LAMA3: variants seen among roughly 807,000 people sequenced by gnomAD.
LAMA3 encodes the protein laminin subunit alpha 3, also known as laminin subunit alpha-3.
In LAMA3, 281 loss-of-function variants were observed where a neutral mutation model predicts 402.0. The observed-to-expected ratio is 0.70, with a 90% confidence interval of 0.63 to 0.77. LAMA3 has a LOEUF of 0.77. Among genes scored for constraint, LAMA3 ranks in the 30% least tolerant of loss-of-function variants. The probability of loss-of-function intolerance (pLI) is 0.00; values close to 1 mark genes in which losing one functional copy is unlikely to be tolerated. For missense variants in LAMA3, 3,840 were observed against 4,215.5 expected (o/e 0.91, Z 2.47); for synonymous variants, 1,431 against 1,558.4 (o/e 0.92, Z 1.93).
intron 24 of LAMA3, among the ~76,000 whole-genome samples, chr18:23,835,699 T>A (rs1303545374): frequency 1.3e-5 from 2 of 152,104 alleles, no homozygotes; most frequent in African/African-American, 4.8e-5. Flanking sequence ...TGAGTGAAAA[T>A]CAACAGGCTA....
At chr18:23,740,885 G>T (rs1275931732) in intron 2 of LAMA3, among the ~76,000 whole-genome samples, 1 of 152,040 alleles carries the variant, frequency 6.6e-6, no homozygotes, top group East Asian at 1.9e-4. Context: ...CCTCCTCTGG[G>T]TGAGCAGGTA....
intron 4 of LAMA3, among the ~76,000 whole-genome samples, chr18:23,750,425 TTACACA>T (rs1383279062): frequency 8.0e-6 from 1 of 125,188 alleles, no homozygotes; most frequent in Non-Finnish European, 1.6e-5. Context: ...AATGGAGGGT[TTACACA>T]GTTTTTTTTT....
In LAMA3 at chr18:23,815,552, A is replaced by G. The variant is rs758997760; in HGVS notation, c.2026A>G (p.Ser676Gly). The G allele has an allele frequency of 4.3e-6, 7 of 1,613,880 alleles. No homozygotes were observed. The South Asian group carries it at 6.6e-5, about 15-fold the overall frequency. Residue 676 changes from serine (S) to glycine (G), a missense_variant, in exon 17 of 75, where the codon AGC becomes GGC. Transcript: ENST00000313654. ...AGATGGATATTTTGCTTTGGAAAAG[A>G]GCAATTACTTTGGGTGTCAAGGTAA... ...CEDGYFALEKSNYFGCQGCQC... is the reference protein window; with the variant it reads ...CEDGYFALEKGNYFGCQGCQC...
At chr18:23,782,396 A>G (rs548556536) in intron 11 of LAMA3, among the ~76,000 whole-genome samples, 2 of 152,140 alleles carry the variant, frequency 1.3e-5, no homozygotes, top group East Asian at 3.9e-4. Flanking sequence ...TCTCTACTAA[A>G]AATACAAAAA....
At chr18:23,724,126 C>G (rs1289169196) in intron 2 of LAMA3, among the ~76,000 whole-genome samples, 1 of 152,094 alleles carries the variant, frequency 6.6e-6, no homozygotes, top group Non-Finnish European at 1.5e-5. Context: ...CGAGAACATA[C>G]GATATTTGGT....
intron 2 of LAMA3, among the ~76,000 whole-genome samples, chr18:23,746,431 C>G (rs191747327): frequency 4.6e-5 from 7 of 152,204 alleles, no homozygotes; most frequent in Admixed American, 2.0e-4. Flanking sequence ...CATTACAGAT[C>G]TATGTGAGGC....
chr18:23,909,200 A>T lies in LAMA3; in HGVS notation c.7063A>T (p.Ser2355Cys), dbSNP rs1285011872. Residue 2355 changes from serine to cysteine, a missense_variant, in exon 55 of 75, where the codon AGT (serine) becomes TGT (cysteine). Coordinates refer to ENST00000313654, the MANE Select transcript of LAMA3 (RefSeq NM_198129.4). ...KLPDLWRKIE[S>C]INQQLLPLGN... ...ACCTGATCTTTGGCGCAAGATTGAA[A>T]GTATCAACCAACAGCTGTTGCCCTT... 1.9e-6 allele frequency: 3 copies of T among 1,614,102 alleles called. No homozygotes were observed. In the South Asian group the frequency reaches 3.3e-5, roughly 18 times the overall value.
chr18:23,903,473 A>T (rs2081139688), intron 49 of LAMA3, among the ~76,000 whole-genome samples: 1 of 152,226 alleles, frequency 6.6e-6, no homozygotes, highest in African/African-American at 2.4e-5. Flanking sequence ...TAGCAGTTCA[A>T]TGGGGATTTT....
chr18:23,901,380 A>G, intron 48 of LAMA3, 57 bp downstream of exon 48: 1 of 1,407,728 alleles, frequency 7.1e-7, no homozygotes, highest in Admixed American at 1.7e-5. Context: ...AGAAGCAGGG[A>G]TCTTTATTAT....
At chr18:23,939,202 T>G (rs757998538) in intron 67 of LAMA3, 21 bp from the exon 68 acceptor site, 1 of 1,612,346 alleles carries the variant, frequency 6.2e-7, no homozygotes, top group Non-Finnish European at 8.5e-7. Flanking sequence ...CTGATAATTG[T>G]GTTGCTCTTT....
At chr18:23,885,898 T>C (rs147881273) in intron 41 of LAMA3, among the ~76,000 whole-genome samples, 1 of 152,336 alleles carries the variant, frequency 6.6e-6, no homozygotes, top group South Asian at 2.1e-4. Context: ...TGGCTGTTTG[T>C]TCCTACAAAT....
chr18:23,808,140 A>G (rs1426595618), intron 12 of LAMA3, among the ~76,000 whole-genome samples: 1 of 152,156 alleles, frequency 6.6e-6, no homozygotes, highest in Non-Finnish European at 1.5e-5. Flanking sequence ...ATCAGGGAAT[A>G]CAGTCAACAC....
At chr18:23,815,136 G>C in intron 15 of LAMA3, 52 bp from the exon 16 acceptor site, 1 of 1,522,762 alleles carries the variant, frequency 6.6e-7, no homozygotes, top group Non-Finnish European at 9.1e-7. Flanking sequence ...CCAGAGCCAG[G>C]AACTGTCTTT....
intron 66 of LAMA3, among the ~76,000 whole-genome samples, chr18:23,932,912 A>T (rs2082207941): frequency 6.6e-6 from 1 of 152,166 alleles, no homozygotes. Context: ...CTTGGCCAGG[A>T]TGAGGCTTAG....
intron 38 of LAMA3, 26 bp from the exon 39 acceptor site, chr18:23,876,268 G>T: frequency 6.9e-7 from 1 of 1,450,550 alleles, no homozygotes; most frequent in South Asian, 1.1e-5. Context: ...TCTTTGTATT[G>T]ATTAAACACT....
At chr18:23,851,731 C>T (rs1265682973) in intron 32 of LAMA3, among the ~76,000 whole-genome samples, 1 of 152,188 alleles carries the variant, frequency 6.6e-6, no homozygotes, top group Non-Finnish European at 1.5e-5. Flanking sequence ...TCCTTGAGGG[C>T]TATCCTATTC....
At position 23,839,786 on chromosome 18, in the gene LAMA3, G is replaced by A; in HGVS notation, c.3193G>A (p.Ala1065Thr). Residue 1065 changes from alanine to threonine, a missense_variant and splice_region_variant, in exon 27 of 75, where the codon GCC becomes ACC. Ala to Thr is a moderately conservative substitution (Grantham distance 58, BLOSUM62 0). This residue lies in a region of LAMA3 where 2,109 missense variants were observed against 2,376.0 expected (regional missense o/e 0.89). Coordinates refer to ENST00000313654, the MANE Select transcript of LAMA3 (RefSeq NM_198129.4). This position sits in a 1 kb window ranked among gnomAD's most constrained non-coding sequence, Gnocchi z 4.5. ...ASYGRFVNQS[A>T]TCVSLAHETP... ...ATTTTTAAATATTCTATTTTTCAGTGCCACCTGTGTCTCCTTGGCCCATGA... is the reference window on the plus strand; with the variant it reads ...ATTTTTAAATATTCTATTTTTCAGTACCACCTGTGTCTCCTTGGCCCATGA... 6.2e-7 allele frequency: 1 copy of A among 1,614,072 alleles called. No homozygotes were observed. Among genetic ancestry groups the A allele is most frequent in the Non-Finnish European group, 8.5e-7 (1 of 1,179,964 alleles).
chr18:23,890,248 A>G (rs969931263), intron 42 of LAMA3, 131 bp downstream of exon 42: 61 of 707,418 alleles, frequency 8.6e-5, no homozygotes, highest in Middle Eastern at 2.6e-4. Context: ...CCCAGGATGC[A>G]TAATACACAA....
At chr18:23,810,279 C>A in intron 12 of LAMA3, 87 bp from the exon 13 acceptor site, 1 of 1,515,726 alleles carries the variant, frequency 6.6e-7, no homozygotes, top group Non-Finnish European at 9.2e-7. Flanking sequence ...TTTCTGGCTC[C>A]ACCCTCATGC....
Sources: allele counts gnomAD v4.1 joint callset (sites outside exome capture counted in the v4.1 genomes callset), GRCh38; gene constraint gnomAD v4.1.1; regional missense constraint gnomAD v4.1.1; non-coding constraint Gnocchi (gnomAD v3.1); transcripts MANE v1.5; gene names NCBI Gene and HGNC (gene_info 2026-07-23, HGNC 2026-07-21).